LRRC27: variants seen among roughly 807,000 people sequenced by gnomAD.
LRRC27 encodes leucine rich repeat containing 27.
A neutral mutation model predicts 55.0 loss-of-function variants in LRRC27; 57 were observed. The ratio of observed to expected loss-of-function variants is 1.04; its 90% confidence interval spans 0.84 to 1.29. The LOEUF is 1.29. Ranked by LOEUF, LRRC27 falls within the 50% of genes most tolerant of loss-of-function variation. The probability of loss-of-function intolerance (pLI) is 0.00; values close to 1 mark genes in which losing one functional copy is unlikely to be tolerated. For synonymous variants in LRRC27, 278 were observed against 251.9 expected (o/e 1.10, Z -0.98); for missense variants, 721 against 651.5 (o/e 1.11, Z -1.16).
rs2069281793 is a variant in LRRC27, at chr10:132,374,004, G to C, written c.1417-1062G>C. ...GTAACATTGACCAAGTCGCAGAGCT[G>C]AGCCGTGAGTGCTGCTCTAGCCCAC... On this transcript the variant is annotated intron_variant, in intron 10 of 10. Coordinates refer to ENST00000368614, the MANE Select transcript of LRRC27 (RefSeq NM_030626.3). This position sits in a 1 kb window ranked among gnomAD's most constrained non-coding sequence, Gnocchi z 4.4. Among the ~76,000 whole-genome samples, 1 of 152,210 alleles carries C rather than the reference G, an allele frequency of 6.6e-6. No individual in the cohort carries two copies. Among genetic ancestry groups the C allele is most frequent in the Admixed American group, 6.5e-5 (1 of 15,278 alleles).
At position 132,355,876 on chromosome 10, in the gene LRRC27, G is replaced by A. The variant is rs186720986; in HGVS notation, c.1160G>A (p.Arg387Gln). ...GAGCTCAGCAAACTCCTGCCTCCGC[G>A]GAGGAGCATGGTACGGCACGCGCGG... ...KEELSKLLPPRRSMVASKIPS... is the reference protein window; with the variant it reads ...KEELSKLLPPQRSMVASKIPS... Residue 387 changes from arginine (R) to glutamine (Q), a missense_variant, in exon 8 of 11, where the codon CGG becomes CAG. Physicochemically the swap from Arg to Gln is conservative, Grantham distance 43 (BLOSUM62 1). Transcript: ENST00000368614. The A allele has an allele frequency of 6.0e-5, 94 of 1,554,156 alleles. No individual in the cohort carries two copies. The Admixed American group carries it at 9.9e-4, about 16-fold the overall frequency.
upstream of LRRC27, chr10:132,331,870 TGCGCAGGCG>T: frequency 7.7e-7 from 1 of 1,299,350 alleles, no homozygotes; most frequent in Non-Finnish European, 1.1e-6. Flanking sequence ...GCCGCGTGCG[TGCGCAGGCG>T]CACCACCCCC....
chr10:132,349,644 G>C (rs1486478553), intron 6 of LRRC27, among the ~76,000 whole-genome samples: 1 of 152,128 alleles, frequency 6.6e-6, no homozygotes, highest in African/African-American at 2.4e-5. Flanking sequence ...AGTGAATTGT[G>C]GTATGCTTAT....
intron 9 of LRRC27, 35 bp from the exon 10 acceptor site, chr10:132,365,389 T>A: frequency 6.2e-7 from 1 of 1,611,328 alleles, no homozygotes; most frequent in Non-Finnish European, 8.5e-7. Context: ...AGTAAATGTG[T>A]CAAGTCATTT....
intron 9 of LRRC27, among the ~76,000 whole-genome samples, chr10:132,364,730 A>C (rs61864520): frequency 9.9e-5 from 4 of 40,268 alleles, no homozygotes; most frequent in African/African-American, 1.7e-4. Context: ...CCGCGTCCAC[A>C]CTTACATCTA....
chr10:132,352,886 TTCC>T (rs1564840800), intron 7 of LRRC27: 2 of 1,613,842 alleles, frequency 1.2e-6, no homozygotes, highest in Non-Finnish European at 1.7e-6. Context: ...CCTCAGTCCT[TTCC>T]TCCTCATTTT....
At chr10:132,352,803 G>A in intron 7 of LRRC27, 5 of 1,524,882 alleles carry the variant, frequency 3.3e-6, no homozygotes, top group Non-Finnish European at 4.5e-6. Flanking sequence ...TCGCCCCCTT[G>A]TGTCCGTCTT....
chr10:132,340,257 T>C (rs1423772706), intron 3 of LRRC27, among the ~76,000 whole-genome samples: 1 of 152,246 alleles, frequency 6.6e-6, no homozygotes, highest in Non-Finnish European at 1.5e-5. Flanking sequence ...CATTTATCAA[T>C]TTATCGTTTA....
chr10:132,347,935 G>A, intron 5 of LRRC27, 49 bp from the exon 6 acceptor site: 1 of 1,535,962 alleles, frequency 6.5e-7, no homozygotes, highest in Non-Finnish European at 8.7e-7. Context: ...ATAAGTCACA[G>A]AGGGATGGCG....
At position 132,374,945 on chromosome 10, in the gene LRRC27, G is replaced by A. The variant is rs113303609; in HGVS notation, c.1417-121G>A. On this transcript the variant is annotated intron_variant, in intron 10 of 10. Transcript: ENST00000368614. The surrounding 1 kb of genome is among the most constrained non-coding windows in gnomAD (Gnocchi z 4.4). Reference sequence around the variant, plus strand: ...CGGCTTGCAGGGGCCCCGGGGCAGCGGGGCTGGCTCTGCTGACGCCCACAT... The same window carrying A: ...CGGCTTGCAGGGGCCCCGGGGCAGCAGGGCTGGCTCTGCTGACGCCCACAT... The A allele has an allele frequency of 2.2e-5, 24 of 1,109,030 alleles. No individual in the cohort carries two copies. The highest frequency in any genetic ancestry group is 1.9e-4 in the African/African-American group (12 of 63,654). 68.7% of individuals were successfully genotyped at this position (1,109,030 alleles called of 1,614,324 possible).
At chr10:132,337,287 T>C in intron 2 of LRRC27, 1 of 1,242,648 alleles carries the variant, frequency 8.0e-7, no homozygotes, top group Non-Finnish European at 1.0e-6. Context: ...GGCTTTGGGA[T>C]AGAAACAGTG....
Position 132,378,612 on chromosome 10 carries a change from A to G in LRRC27, c.*3370A>G, listed in dbSNP as rs373736388. The G allele has an allele frequency of 6.6e-6, 1 of 152,236 alleles. No individual in the cohort carries two copies. Among genetic ancestry groups the G allele is most frequent in the South Asian group, 2.1e-4 (1 of 4,836 alleles). 9.4% of individuals were successfully genotyped at this position (152,236 alleles called of 1,614,324 possible). On this transcript the variant is annotated 3_prime_UTR_variant, in exon 11 of 11. Transcript: ENST00000368614. ...CATTCCTCTCTGTACATCAGGCTAG[A>G]TGCCTCCTGTCTACGTGGTTTTAGA...
rs751821852 is a variant in LRRC27 at position 132,348,958 on chromosome 10, C to A, written c.926+602C>A. ...GCCGAGATTTTATTTTCCTTTCACA[C>A]CCAGGACAAGGGTCCCTAGGAAACA... On this transcript the variant is annotated intron_variant, in intron 6 of 10. Transcript: ENST00000368614. This position sits in a 1 kb window ranked among gnomAD's most constrained non-coding sequence, Gnocchi z 4.2. 2.5e-6 allele frequency: 4 copies of A among 1,597,056 alleles called. No homozygotes were observed. In the South Asian group the frequency reaches 4.5e-5, roughly 18 times the overall value.
upstream of LRRC27, chr10:132,331,696 C>T: frequency 1.2e-6 from 2 of 1,612,792 alleles, no homozygotes; most frequent in South Asian, 2.2e-5. Flanking sequence ...AGCAGCCCCG[C>T]CCGCCCCGGG....
At chr10:132,365,377 A>G in intron 9 of LRRC27, 47 bp from the exon 10 acceptor site, 3 of 1,607,456 alleles carry the variant, frequency 1.9e-6, no homozygotes, top group Non-Finnish European at 2.5e-6. Flanking sequence ...TGCTAGGATG[A>G]GAGTAAATGT....
At chr10:132,333,931 A>G (rs982907677) in intron 2 of LRRC27, among the ~76,000 whole-genome samples, 197 bp downstream of exon 2, 7 of 152,266 alleles carry the variant, frequency 4.6e-5, no homozygotes, top group African/African-American at 1.4e-4. Context: ...GGACCAACCA[A>G]TGGAAATAGT....
intron 8 of LRRC27, among the ~76,000 whole-genome samples, chr10:132,360,162 C>A (rs1477815718): frequency 2.0e-5 from 3 of 152,204 alleles, no homozygotes; most frequent in African/African-American, 4.8e-5. Flanking sequence ...GTGGCACAAT[C>A]TTGGCTCACT....
intron 3 of LRRC27, among the ~76,000 whole-genome samples, chr10:132,338,912 G>A (rs1434347437): frequency 1.3e-5 from 2 of 152,136 alleles, no homozygotes; most frequent in Non-Finnish European, 1.5e-5. Context: ...GTTTTGCCAT[G>A]TTGGACAGGC....
rs185270940 is a variant in LRRC27, at chr10:132,374,263, C to G, written c.1417-803C>G. On this transcript the variant is annotated intron_variant, in intron 10 of 10. Coordinates refer to ENST00000368614, the MANE Select transcript of LRRC27 (RefSeq NM_030626.3). The surrounding 1 kb of genome is among the most constrained non-coding windows in gnomAD (Gnocchi z 4.4). ...TATGGGGCGGGGAGGCTGCAGGGGT[C>G]TCCTGGGACCTGCACTGGAGGTAGT... Among the ~76,000 whole-genome samples, 574 of 152,202 alleles carry G rather than the reference C, an allele frequency of 3.8e-3. 1 individual carries two copies. Among genetic ancestry groups the G allele is most frequent in the African/African-American group, 0.013 (542 of 41,518 alleles).
Sources: allele counts gnomAD v4.1 joint callset (sites outside exome capture counted in the v4.1 genomes callset), GRCh38; gene constraint gnomAD v4.1.1; non-coding constraint Gnocchi (gnomAD v3.1); transcripts MANE v1.5; gene names NCBI Gene and HGNC (gene_info 2026-07-23, HGNC 2026-07-21).